The following RFTN2 variants were observed in gnomAD, a reference collection of about 807,000 sequenced individuals.
RFTN2 encodes the protein raftlin family member 2, also known as raftlin-2.
RFTN2 carries 34 observed loss-of-function variants against 52.7 expected under a neutral mutation model. That is an observed-to-expected ratio of 0.64 (90% confidence interval 0.49 to 0.86). The LOEUF (loss-of-function observed/expected upper bound fraction) is 0.86. Ranked by LOEUF, RFTN2 falls within the 40% of genes least tolerant of loss-of-function variation. The pLI is 0.00. For missense variants in RFTN2, 536 were observed against 600.1 expected, an observed-to-expected ratio of 0.89 and a Z score of 1.12; for synonymous variants, 203 against 217.7, an observed-to-expected ratio of 0.93 and a Z score of 0.59.
intron 7 of RFTN2, among the ~76,000 whole-genome samples, chr2:197,614,751 G>A (rs941435006): frequency 7.9e-5 from 12 of 152,180 alleles, no homozygotes; most frequent in Admixed American, 2.6e-4. Flanking sequence ...CATCCTGCAA[G>A]GTTGAGGGCG....
chr2:197,598,713 GGCTGCCC>G (rs2087830471), intron 7 of RFTN2, among the ~76,000 whole-genome samples: 1 of 152,160 alleles, frequency 6.6e-6, no homozygotes, highest in Non-Finnish European at 1.5e-5. Context: ...CATTTCACCA[GGCTGCCC>G]AGGTGGCCCT....
rs368246968 is a variant in RFTN2, at chr2:197,643,861, A to G, written c.438+297T>C. On this transcript the variant is annotated intron_variant, in intron 3 of 8. Coordinates refer to ENST00000295049, the MANE Select transcript of RFTN2 (RefSeq NM_144629.3). The stretch of plus-strand genomic sequence containing the variant: ...TTTATTCTCTGCAGAACAATTGCCT[A>G]CTTTCCCAACAGCATTCATTAAATA... 1.1e-4 allele frequency among the ~76,000 whole-genome samples: 16 copies of G among 152,228 alleles called. 1 individual carries two copies. The highest frequency in any genetic ancestry group is 3.6e-4 in the African/African-American group (15 of 41,538).
intron 5 of RFTN2, among the ~76,000 whole-genome samples, chr2:197,625,709 C>T (rs1351789259): frequency 2.6e-4 from 35 of 136,466 alleles, no homozygotes; most frequent in African/African-American, 9.0e-4. Context: ...CTCTCCTCTC[C>T]TCTCCTCTCC....
intron 7 of RFTN2, among the ~76,000 whole-genome samples, chr2:197,609,958 T>C (rs1335059353): frequency 6.6e-6 from 1 of 152,238 alleles, no homozygotes; most frequent in African/African-American, 2.4e-5. Flanking sequence ...AGGCCTCTGT[T>C]CTGTTCCATT....
intron 1 of RFTN2, among the ~76,000 whole-genome samples, chr2:197,652,143 A>C (rs1047393215): frequency 6.6e-6 from 1 of 152,164 alleles, no homozygotes; most frequent in African/African-American, 2.4e-5. Context: ...TACCTGTGCA[A>C]AGTTGATTGT....
intron 3 of RFTN2, among the ~76,000 whole-genome samples, chr2:197,637,329 T>G (rs1189239617): frequency 6.6e-6 from 1 of 152,204 alleles, no homozygotes; most frequent in Admixed American, 6.5e-5. Context: ...CAGTTGTTCC[T>G]TGTACCTCTG....
intron 6 of RFTN2, among the ~76,000 whole-genome samples, chr2:197,616,275 T>TTTATTTTATTTTTTTTATTTTATTTTAC (rs1553601957): frequency 1.6e-5 from 1 of 61,502 alleles, no homozygotes; most frequent in African/African-American, 7.5e-5. Flanking sequence ...CTGCATTTTA[T>TTTATTTTATTTTTTTTATTTTATTTTAC]TTTATTTTAT....
chr2:197,575,869 A>G (rs908071351), intron 8 of RFTN2, among the ~76,000 whole-genome samples: 3 of 125,164 alleles, frequency 2.4e-5, no homozygotes, highest in Non-Finnish European at 5.1e-5. Flanking sequence ...ATATATTTAT[A>G]TATTATATAT....
chr2:197,624,144 T>C (rs1320830912), intron 5 of RFTN2, among the ~76,000 whole-genome samples: 1 of 152,194 alleles, frequency 6.6e-6, no homozygotes, highest in Non-Finnish European at 1.5e-5. Flanking sequence ...GTGAAGATGC[T>C]GTGAACATTG....
chr2:197,589,331 T>G (rs1308729800), intron 8 of RFTN2, among the ~76,000 whole-genome samples: 1 of 149,886 alleles, frequency 6.7e-6, no homozygotes, highest in East Asian at 2.0e-4. Context: ...CCTTGCCTTC[T>G]GCCATGATTG....
chr2:197,644,063 T>A (rs2088712073), intron 3 of RFTN2, 95 bp downstream of exon 3: 1 of 798,556 alleles, frequency 1.3e-6, no homozygotes, highest in Non-Finnish European at 2.2e-6. Context: ...TTACCTGTCA[T>A]TTCCTTATTC....
chr2:197,599,586 G>C (rs2087849351), intron 7 of RFTN2, among the ~76,000 whole-genome samples: 1 of 152,120 alleles, frequency 6.6e-6, no homozygotes, highest in South Asian at 2.1e-4. Context: ...TGTATGTCAA[G>C]GAAAAAAGTC....
At position 197,633,783 on chromosome 2, in the gene RFTN2, T is replaced by A. The variant is rs753059242; in HGVS notation, c.653A>T (p.Glu218Val). Reference sequence around the variant, plus strand: ...TTGTTCCATTTGATACTGTCCACTTTCATGATGAAGTTCTTCCTCAATTCC... The same window carrying A: ...TTGTTCCATTTGATACTGTCCACTTACATGATGAAGTTCTTCCTCAATTCC... ...ESGIEEELHH[E>V]SGQYQMEQNG... The change falls in exon 4 of 9, where the codon GAA (glutamate) becomes GTA (valine). Residue 218 changes from glutamate (E) to valine (V), a missense_variant. Physicochemically the swap from Glu to Val is moderately radical, Grantham distance 121. Coordinates refer to ENST00000295049, the MANE Select transcript of RFTN2 (RefSeq NM_144629.3). 6.2e-7 allele frequency: 1 copy of A among 1,613,810 alleles called. No individual in the cohort carries two copies. The highest frequency in any genetic ancestry group is 1.1e-5 in the South Asian group (1 of 91,070).
At chr2:197,607,153 A>C (rs2087975154) in intron 7 of RFTN2, among the ~76,000 whole-genome samples, 1 of 152,228 alleles carries the variant, frequency 6.6e-6, no homozygotes, top group South Asian at 2.1e-4. Flanking sequence ...TGCAGCCATA[A>C]AAAATGATGA....
intron 5 of RFTN2, among the ~76,000 whole-genome samples, chr2:197,618,873 G>A (rs1409106123): frequency 6.6e-6 from 1 of 151,328 alleles, no homozygotes; most frequent in Non-Finnish European, 1.5e-5. Flanking sequence ...TGAGAAGTGA[G>A]GAGCCCCTCC....
intron 3 of RFTN2, 60 bp downstream of exon 3, chr2:197,644,098 A>G (rs1203820256): frequency 1.1e-6 from 1 of 952,374 alleles, no homozygotes; most frequent in East Asian, 2.4e-5. Context: ...AAGGGAATTG[A>G]TGAAGATGAA....
chr2:197,609,936 G>A (rs1212784498), intron 7 of RFTN2, among the ~76,000 whole-genome samples: 1 of 152,136 alleles, frequency 6.6e-6, no homozygotes, highest in Non-Finnish European at 1.5e-5. Flanking sequence ...TAGATGTGTG[G>A]TGTTATTTCT....
intron 5 of RFTN2, 128 bp from the exon 6 acceptor site, chr2:197,618,049 C>T: frequency 2.2e-6 from 1 of 459,422 alleles, no homozygotes; most frequent in South Asian, 2.8e-5. Flanking sequence ...CATTTGTTGC[C>T]CCCTCCCCCT....
intron 1 of RFTN2, among the ~76,000 whole-genome samples, chr2:197,658,293 C>CA: frequency 6.6e-6 from 1 of 151,872 alleles, no homozygotes; most frequent in East Asian, 1.9e-4. Flanking sequence ...GACCCCTAAG[C>CA]ATGCACATAG....
Sources: gnomAD v4.1 joint callset for allele counts (sites outside exome capture counted in the v4.1 genomes callset) on GRCh38, gnomAD v4.1.1 for gene constraint, MANE v1.5 for transcripts, NCBI Gene and HGNC (gene_info 2026-07-23, HGNC 2026-07-21) for gene names.